CISD2: variants seen among roughly 807,000 people sequenced by gnomAD.
CISD2 encodes the protein CDGSH iron-sulfur domain-containing protein 2.
A neutral mutation model predicts 12.9 loss-of-function variants in CISD2; 1 was observed. The observed-to-expected ratio is 0.08, with a 90% CI of 0.03 to 0.37. CISD2 has a LOEUF of 0.37. Among genes scored for constraint, CISD2 ranks in the 10% least tolerant of loss-of-function variants. CISD2 has a pLI of 0.99. For synonymous variants in CISD2, 50 were observed against 60.6 expected, an observed-to-expected ratio of 0.83 and a Z score of 0.81; for missense variants, 97 against 163.1, an observed-to-expected ratio of 0.59 and a Z score of 2.21.
At chr4:102,876,357 G>A (rs1053867565) in intron 1 of CISD2, among the ~76,000 whole-genome samples, 8 of 152,180 alleles carry the variant, frequency 5.3e-5, no homozygotes, top group African/African-American at 1.9e-4. Flanking sequence ...ACTAAGCACT[G>A]GTTACATAGA....
At chr4:102,885,156 C>A in intron 1 of CISD2, 60 bp from the exon 2 acceptor site, 1 of 1,281,322 alleles carries the variant, frequency 7.8e-7, no homozygotes, top group South Asian at 1.2e-5. Flanking sequence ...TGAAACTAGA[C>A]ATGCTATTTT....
intron 2 of CISD2, among the ~76,000 whole-genome samples, chr4:102,887,092 ATT>A (rs1005285750): frequency 6.6e-6 from 1 of 152,202 alleles, no homozygotes; most frequent in Non-Finnish European, 1.5e-5. Context: ...CCTGTTGTCT[ATT>A]TTAATCACTC....
intron 1 of CISD2, among the ~76,000 whole-genome samples, chr4:102,873,765 A>G (rs967152252): frequency 6.6e-6 from 1 of 151,274 alleles, no homozygotes; most frequent in Non-Finnish European, 1.5e-5. Context: ...GTAAAAGTCA[A>G]TATGTATATT....
At position 102,892,581 on chromosome 4, in the gene CISD2, T is replaced by TA. The variant is rs1272455087; in HGVS notation, c.*5152dup. 6.6e-6 allele frequency: 1 copy of TA among 152,204 alleles called. No individual in the cohort carries two copies. The highest frequency in any genetic ancestry group is 1.5e-5 in the Non-Finnish European group (1 of 68,032). 9.4% of individuals were successfully genotyped at this position (152,204 alleles called of 1,614,324 possible). A position where few individuals can be genotyped will look rare whatever the true frequency, so the allele number is the denominator to read the frequency against. ...TGGTTTAAATGCTTGATTCTTCGCT[T>TA]ACAAAACTTCTGTTTTGAACAACTA... On this transcript the variant is annotated 3_prime_UTR_variant, in exon 3 of 3. Transcript: ENST00000273986.
At chr4:102,873,012 T>A (rs1461005038) in intron 1 of CISD2, among the ~76,000 whole-genome samples, 4 of 152,156 alleles carry the variant, frequency 2.6e-5, no homozygotes, top group African/African-American at 7.2e-5. Context: ...AGGCACCTTC[T>A]TCACATCATG....
chr4:102,869,436 A>G, intron 1 of CISD2: 1 of 706,254 alleles, frequency 1.4e-6, no homozygotes, highest in Non-Finnish European at 2.6e-6. Context: ...GTGGCAAGAT[A>G]CCAGGTTTTT....
chr4:102,877,538 C>T (rs2110394880), intron 1 of CISD2, among the ~76,000 whole-genome samples: 1 of 152,348 alleles, frequency 6.6e-6, no homozygotes, highest in Admixed American at 6.5e-5. Context: ...ATGGTGCAAG[C>T]TGTTGTTAGA....
chr4:102,873,982 C>T (rs774599622), intron 1 of CISD2, among the ~76,000 whole-genome samples: 6 of 151,808 alleles, frequency 4.0e-5, no homozygotes, highest in Non-Finnish European at 7.4e-5. Context: ...AAAAATTAGC[C>T]GGGTGTGGTA....
intron 1 of CISD2, among the ~76,000 whole-genome samples, chr4:102,879,943 A>C (rs1378862437): frequency 1.3e-5 from 2 of 151,638 alleles, no homozygotes; most frequent in East Asian, 1.9e-4. Context: ...TTTATTTTTT[A>C]TTTTTTTTAT....
At chr4:102,879,224 C>T (rs1293842219) in intron 1 of CISD2, among the ~76,000 whole-genome samples, 1 of 151,790 alleles carries the variant, frequency 6.6e-6, no homozygotes, top group Non-Finnish European at 1.5e-5. Flanking sequence ...CAGAGCCAAA[C>T]CATATTAGTA....
chr4:102,872,491 TATAAA>T (rs1560901286), intron 1 of CISD2, among the ~76,000 whole-genome samples: 1 of 152,344 alleles, frequency 6.6e-6, no homozygotes, highest in African/African-American at 2.4e-5. Context: ...GAAAATATGT[TATAAA>T]ATAACTAGCA....
intron 1 of CISD2, among the ~76,000 whole-genome samples, chr4:102,874,040 C>T (rs760217802): frequency 6.6e-6 from 1 of 151,412 alleles, no homozygotes; most frequent in Non-Finnish European, 1.5e-5. Flanking sequence ...GCAGGAGAAT[C>T]GCTTGAACCC....
chr4:102,875,212 A>G (rs1733565543), intron 1 of CISD2, among the ~76,000 whole-genome samples: 1 of 152,224 alleles, frequency 6.6e-6, no homozygotes, highest in Admixed American at 6.5e-5. Context: ...TCCTCCTCCC[A>G]TATTCCCATG....
chr4:102,876,395 A>G (rs562563107), intron 1 of CISD2, among the ~76,000 whole-genome samples: 1 of 152,310 alleles, frequency 6.6e-6, no homozygotes, highest in African/African-American at 2.4e-5. Flanking sequence ...CTGTATTTGC[A>G]TTTAGCACAG....
intron 2 of CISD2, among the ~76,000 whole-genome samples, chr4:102,886,975 T>A (rs568221497): frequency 1.6e-4 from 25 of 152,282 alleles, no homozygotes; most frequent in African/African-American, 4.8e-4. Context: ...CAAGAAAAAA[T>A]TATAATTTAT....
intron 1 of CISD2, chr4:102,869,458 G>A (rs1195693931): frequency 1.4e-6 from 1 of 703,048 alleles, no homozygotes; most frequent in East Asian, 2.7e-5. Context: ...CAGAGAAGGT[G>A]CTGAGTTGGG....
intron 1 of CISD2, chr4:102,882,741 T>G (rs1206572856): frequency 6.5e-6 from 1 of 153,692 alleles, no homozygotes; most frequent in Non-Finnish European, 1.4e-5. Context: ...CCACATGTGT[T>G]TGTTTTGTTT....
At chr4:102,879,895 G>C (rs1733674919) in intron 1 of CISD2, among the ~76,000 whole-genome samples, 1 of 152,118 alleles carries the variant, frequency 6.6e-6, no homozygotes, top group African/African-American at 2.4e-5. Context: ...CAGATGATCA[G>C]ACAAATAAGG....
intron 1 of CISD2, among the ~76,000 whole-genome samples, chr4:102,881,168 A>C (rs1219817219): frequency 1.3e-5 from 2 of 151,922 alleles, no homozygotes; most frequent in African/African-American, 4.8e-5. Flanking sequence ...ATCTTTCTTC[A>C]TATAAAATCA....
Sources: allele counts gnomAD v4.1 joint callset (sites outside exome capture counted in the v4.1 genomes callset), GRCh38; gene constraint gnomAD v4.1.1; transcripts MANE v1.5; gene names NCBI Gene and HGNC (gene_info 2026-07-23, HGNC 2026-07-21).